SNTB1: variants seen among roughly 807,000 people sequenced by gnomAD.
The protein encoded by SNTB1 is syntrophin beta 1, also known as beta-1-syntrophin.
In SNTB1, 36 loss-of-function variants were observed where a neutral mutation model predicts 48.9. That is an observed-to-expected ratio of 0.74 (90% CI 0.56 to 0.97). The LOEUF (loss-of-function observed/expected upper bound fraction) is 0.97. Among genes scored for constraint, SNTB1 ranks in the 50% least tolerant of loss-of-function variants. SNTB1 has a pLI of 0.00. For synonymous variants in SNTB1, 299 were observed against 294.6 expected (o/e 1.01, Z -0.15); for missense variants, 786 against 703.4 (o/e 1.12, Z -1.33).
Position 120,690,496 on chromosome 8 carries a change from G to A in SNTB1, c.788+3196C>T, listed in dbSNP as rs571150142. On this transcript the variant is annotated intron_variant, in intron 2 of 6. Transcript: ENST00000517992. ...TATGTATTCATAACTACTGGATGTTGCTTGTGAACTCTTGCCTTCAACATA... is the reference window on the plus strand; with the variant it reads ...TATGTATTCATAACTACTGGATGTTACTTGTGAACTCTTGCCTTCAACATA... Among the ~76,000 whole-genome samples the A allele has an allele frequency of 9.2e-5, 14 of 152,294 alleles. No homozygotes were observed. The South Asian group carries it at 2.9e-3, about 32-fold the overall frequency.
chr8:120,551,725 C>CAAAAAA (rs764008790), intron 4 of SNTB1, among the ~76,000 whole-genome samples: 32 of 42,772 alleles, frequency 7.5e-4, no homozygotes, highest in African/African-American at 1.1e-3. Context: ...GACTCCATCT[C>CAAAAAA]AAAAAAAAAA....
intron 4 of SNTB1, among the ~76,000 whole-genome samples, chr8:120,563,698 T>C (rs1483407750): frequency 6.6e-6 from 1 of 152,154 alleles, no homozygotes; most frequent in Non-Finnish European, 1.5e-5. Context: ...AGAAGAAAAC[T>C]GTTTCCTACT....
chr8:120,553,932 A>G (rs1009559497), intron 4 of SNTB1, among the ~76,000 whole-genome samples: 3 of 152,188 alleles, frequency 2.0e-5, no homozygotes, highest in African/African-American at 7.2e-5. Flanking sequence ...CAGGAGGCAG[A>G]GGTTGCAGTG....
chr8:120,654,860 A>C, intron 2 of SNTB1: 2 of 405,226 alleles, frequency 4.9e-6, no homozygotes, highest in Non-Finnish European at 9.6e-6. Context: ...ACAACCTGAC[A>C]ACAAAAGTTT....
At chr8:120,754,149 T>C (rs1056903907) in intron 1 of SNTB1, among the ~76,000 whole-genome samples, 4 of 152,148 alleles carry the variant, frequency 2.6e-5, no homozygotes, top group Admixed American at 6.6e-5. Flanking sequence ...TCACAGAGAA[T>C]AGAACCTGAA....
intron 1 of SNTB1, among the ~76,000 whole-genome samples, chr8:120,794,978 A>G (rs1243799239): frequency 6.6e-6 from 1 of 152,172 alleles, no homozygotes; most frequent in East Asian, 1.9e-4. Context: ...GACTGGCTGA[A>G]AGGCTATAAT....
intron 5 of SNTB1, among the ~76,000 whole-genome samples, chr8:120,547,611 A>C (rs868344381): frequency 7.2e-5 from 11 of 152,112 alleles, no homozygotes; most frequent in East Asian, 5.8e-4. Context: ...AAAAAAAAAA[A>C]AACAACTTTG....
chr8:120,541,181 T>G (rs1215907375), intron 6 of SNTB1: 1 of 152,234 alleles, frequency 6.6e-6, no homozygotes, highest in East Asian at 1.9e-4. Context: ...CAGGAAATTA[T>G]GAATTTCAAC....
intron 3 of SNTB1, among the ~76,000 whole-genome samples, chr8:120,595,827 C>T (rs181897324): frequency 5.3e-5 from 8 of 152,200 alleles, no homozygotes; most frequent in Non-Finnish European, 8.8e-5. Flanking sequence ...AGGTGATCTG[C>T]CCACCTTGGC....
chr8:120,587,738 A>G (rs1816172436), intron 3 of SNTB1, among the ~76,000 whole-genome samples: 1 of 152,108 alleles, frequency 6.6e-6, no homozygotes, highest in Admixed American at 6.6e-5. Context: ...TCCAATTCCC[A>G]TTTCCCTTCA....
chr8:120,721,455 T>A (rs190563071), intron 1 of SNTB1, among the ~76,000 whole-genome samples: 26 of 152,280 alleles, frequency 1.7e-4, no homozygotes, highest in African/African-American at 6.3e-4. Flanking sequence ...TCCTACACAA[T>A]GAAAACAAGA....
chr8:120,702,251 A>G (rs1818319849), intron 1 of SNTB1, among the ~76,000 whole-genome samples: 1 of 152,166 alleles, frequency 6.6e-6, no homozygotes, highest in South Asian at 2.1e-4. Context: ...CAGACAATAT[A>G]GGGCATTGCT....
At chr8:120,767,940 T>C (rs1819554648) in intron 1 of SNTB1, among the ~76,000 whole-genome samples, 1 of 152,162 alleles carries the variant, frequency 6.6e-6, no homozygotes, top group African/African-American at 2.4e-5. Flanking sequence ...GCCACTTCTT[T>C]ACTTCCCTCA....
intron 1 of SNTB1, among the ~76,000 whole-genome samples, chr8:120,744,121 A>ATTTTTTTTTCTTTTTTTTTTT (rs1819087162): frequency 7.3e-6 from 1 of 136,106 alleles, no homozygotes; most frequent in Admixed American, 8.0e-5. Context: ...CCCTGTCTCA[A>ATTTTTTTTTCTTTTTTTTTTT]TTTTTTTTTT....
chr8:120,579,370 G>A (rs1009101175), intron 3 of SNTB1, among the ~76,000 whole-genome samples: 5 of 152,070 alleles, frequency 3.3e-5, no homozygotes, highest in African/African-American at 9.7e-5. Flanking sequence ...AACTGATCTT[G>A]TCTCTTCTAA....
chr8:120,799,130 C>A (rs1215288144), intron 1 of SNTB1, among the ~76,000 whole-genome samples: 1 of 152,014 alleles, frequency 6.6e-6, no homozygotes, highest in African/African-American at 2.4e-5. Context: ...TCTAGAGGGA[C>A]TGAGCAACTA....
rs138784192 is a variant in SNTB1 at position 120,810,123 on chromosome 8, T to C, written c.571+1150A>G. ...GGCTCATTTATTCATTTACTCAGCA[T>C]GCATGTCATGGAGCAACTAAGCTCA... On this transcript the variant is annotated intron_variant, in intron 1 of 6. Coordinates refer to ENST00000517992, the MANE Select transcript of SNTB1 (RefSeq NM_021021.4). 8.7e-4 allele frequency among the ~76,000 whole-genome samples: 133 copies of C among 152,300 alleles called. No homozygotes were observed. In the East Asian group the frequency reaches 0.014, roughly 16 times the overall value.
intron 3 of SNTB1, among the ~76,000 whole-genome samples, chr8:120,618,812 T>C (rs57160393): frequency 0.065 from 9,857 of 152,230 alleles, 416 homozygotes; most frequent in East Asian, 0.19. Context: ...AGAAACAATA[T>C]GGTAAAAGGG....
intron 2 of SNTB1, among the ~76,000 whole-genome samples, chr8:120,682,667 CTAAG>C (rs1455830956): frequency 6.6e-6 from 1 of 152,038 alleles, no homozygotes; most frequent in Non-Finnish European, 1.5e-5. Context: ...CATGGGTTGC[CTAAG>C]TGAGAAGCAA....
Sources: allele counts gnomAD v4.1 joint callset (sites outside exome capture counted in the v4.1 genomes callset), GRCh38; gene constraint gnomAD v4.1.1; transcripts MANE v1.5; gene names NCBI Gene and HGNC (gene_info 2026-07-23, HGNC 2026-07-21).